Variants in TAB1 observed in about 807,000 individuals in gnomAD.
The protein encoded by TAB1 is TGF-beta-activated kinase 1 and MAP3K7-binding protein 1.
In TAB1, 30 loss-of-function variants were observed where a neutral mutation model predicts 54.5. That is an observed-to-expected ratio of 0.55 (90% CI 0.41 to 0.75). The LOEUF (loss-of-function observed/expected upper bound fraction) is 0.75. Among genes scored for constraint, TAB1 ranks in the 30% least tolerant of loss-of-function variants. The pLI is 0.00. For missense variants in TAB1, 609 were observed against 683.2 expected (o/e 0.89, Z 1.21); for synonymous variants, 289 against 286.9 (o/e 1.01, Z -0.07).
intron 8 of TAB1, among the ~76,000 whole-genome samples, chr22:39,426,103 C>T (rs1206063292): frequency 6.6e-6 from 1 of 152,188 alleles, no homozygotes; most frequent in Non-Finnish European, 1.5e-5. Flanking sequence ...TGGCAGTCCT[C>T]CCACCTCAGC....
At position 39,416,971 on chromosome 22, in the gene TAB1, G is replaced by C. The variant is rs376115631; in HGVS notation, c.411+94G>C. On this transcript the variant is annotated intron_variant, in intron 4 of 10. Coordinates refer to ENST00000216160, the MANE Select transcript of TAB1 (RefSeq NM_006116.3). ...CTACTTTCTTGACATTACTGGGCCA[G>C]AGCAACAGGCGTTAGGGAGCAGTTC... is the stretch of plus-strand genomic sequence containing the variant. 4.0e-6 allele frequency: 5 copies of C among 1,259,104 alleles called. No homozygotes were observed. In the East Asian group the frequency reaches 1.2e-4, roughly 31 times the overall value. The allele number at this position is 1,259,104 out of a possible 1,614,324, so 78.0% of individuals were successfully genotyped here. A position where few individuals can be genotyped will look rare whatever the true frequency, so the allele number is the denominator to read the frequency against.
At chr22:39,424,559 C>T (rs866045660) in intron 8 of TAB1, among the ~76,000 whole-genome samples, 10 of 151,584 alleles carry the variant, frequency 6.6e-5, no homozygotes, top group African/African-American at 2.4e-4. Flanking sequence ...ATTCTTCTGC[C>T]TCAGCCTCCT....
chr22:39,428,257 T>A, intron 10 of TAB1, 74 bp downstream of exon 10: 1 of 1,066,362 alleles, frequency 9.4e-7, no homozygotes, highest in Non-Finnish European at 1.4e-6. Context: ...AGGACAGAAA[T>A]GGCCATGGGG....
Position 39,431,847 on chromosome 22 carries a change from A to C in TAB1, c.*1625A>C. 1 of 985,492 alleles carries C rather than the reference A, an allele frequency of 1.0e-6. No individual in the cohort carries two copies. The highest frequency in any genetic ancestry group is 1.2e-6 in the Non-Finnish European group (1 of 829,944). 61.0% of individuals were successfully genotyped at this position (985,492 alleles called of 1,614,324 possible). A position where few individuals can be genotyped will look rare whatever the true frequency, so the allele number is the denominator to read the frequency against. On this transcript the variant is annotated 3_prime_UTR_variant, in exon 11 of 11. Coordinates refer to ENST00000216160, the MANE Select transcript of TAB1 (RefSeq NM_006116.3). ...GGTCACTTTTTTAATGTAGTAAAGA[A>C]GTAATAAATGGTGGCATTACACATT...
intron 6 of TAB1, 81 bp from the exon 7 acceptor site, chr22:39,419,438 C>T (rs1926976088): frequency 8.2e-7 from 1 of 1,215,000 alleles, no homozygotes; most frequent in Middle Eastern, 2.0e-4. Flanking sequence ...TGCCTTCTTC[C>T]CATGACTGTG....
chr22:39,433,444 CCCTG>C (rs1365093959), downstream of TAB1: 1 of 944,090 alleles, frequency 1.1e-6, no homozygotes, highest in African/African-American at 2.2e-5. Flanking sequence ...CAGAGCGAGA[CCCTG>C]TCTCAAGAAA....
intron 1 of TAB1, among the ~76,000 whole-genome samples, chr22:39,412,060 C>CA (rs1926630024): frequency 2.0e-5 from 3 of 151,720 alleles, no homozygotes; most frequent in South Asian, 2.1e-4. Context: ...TGTTTGGAGA[C>CA]AGAGTCTCAC....
intron 8 of TAB1, among the ~76,000 whole-genome samples, chr22:39,425,601 C>T (rs1290497380): frequency 5.3e-5 from 8 of 151,496 alleles, no homozygotes; most frequent in African/African-American, 1.9e-4. Context: ...GTCACCCAGG[C>T]TGGAGTGCAG....
chr22:39,416,752 G>A lies in TAB1; in HGVS notation c.325-39G>A, dbSNP rs777568571. ...ACATTTTGGCACCAGTGACAGTGGT[G>A]TTTTGAACCAGCCTTTGCCCTGTCC... On this transcript the variant is annotated intron_variant, in intron 3 of 10. Coordinates refer to ENST00000216160, the MANE Select transcript of TAB1 (RefSeq NM_006116.3). 4.4e-6 allele frequency: 7 copies of A among 1,600,062 alleles called. No individual in the cohort carries two copies. In the South Asian group the frequency reaches 5.5e-5, roughly 13 times the overall value.
Position 39,413,829 on chromosome 22 carries a change from G to A in TAB1, c.34-1177G>A, listed in dbSNP as rs61583895. ...CTGGGAGTGCCGTTGTGAACAAAGCGCAGTTTTCAGGTGGGAGGCCAGATT... is the reference window on the plus strand; with the variant it reads ...CTGGGAGTGCCGTTGTGAACAAAGCACAGTTTTCAGGTGGGAGGCCAGATT... On this transcript the variant is annotated intron_variant, in intron 1 of 10. Coordinates refer to ENST00000216160, the MANE Select transcript of TAB1 (RefSeq NM_006116.3). Among the ~76,000 whole-genome samples, 377 of 152,278 alleles carry A rather than the reference G, an allele frequency of 2.5e-3. 7 individuals are homozygous for A. The East Asian group carries it at 0.043, about 18-fold the overall frequency.
intron 1 of TAB1, among the ~76,000 whole-genome samples, chr22:39,402,301 C>T (rs1926181993): frequency 6.6e-6 from 1 of 152,154 alleles, no homozygotes; most frequent in Non-Finnish European, 1.5e-5. Flanking sequence ...CAGGCATGAG[C>T]CACCGCATCT....
intron 7 of TAB1, 112 bp from the exon 8 acceptor site, chr22:39,421,715 A>C: frequency 8.9e-7 from 1 of 1,121,188 alleles, no homozygotes; most frequent in Middle Eastern, 2.0e-4. Flanking sequence ...TCCTCTTGTC[A>C]GGTTGTGTGT....
chr22:39,418,284 G>A (rs538326379), intron 5 of TAB1, among the ~76,000 whole-genome samples: 20 of 152,270 alleles, frequency 1.3e-4, no homozygotes, highest in Non-Finnish European at 2.6e-4. Context: ...CCCTTCTGAT[G>A]ATGCTGCCTT....
In TAB1 at chr22:39,415,629, C is replaced by T. The variant is rs753123519; in HGVS notation, c.300C>T (p.Ala100=). 38 of 1,611,388 alleles carry T rather than the reference C, an allele frequency of 2.4e-5. No homozygotes were observed. Among genetic ancestry groups the T allele is most frequent in the East Asian group, 8.9e-5 (4 of 44,884 alleles). Residue 100 remains alanine, a synonymous_variant, in exon 3 of 11, where the codon GCC becomes GCT. Coordinates refer to ENST00000216160, the MANE Select transcript of TAB1 (RefSeq NM_006116.3). The surrounding 1 kb of genome is among the most constrained non-coding windows in gnomAD (Gnocchi z 4.9). ...AGCTGAATGCCGAGCACGCCGAGGC[C>T]GATGTGCGGCGTGTGCTGCTGCAGG... ...LGQLNAEHAE[A]DVRRVLLQAF... is the part of the protein sequence containing the mutation.
chr22:39,418,597 G>C, intron 5 of TAB1, 135 bp from the exon 6 acceptor site: 2 of 655,898 alleles, frequency 3.0e-6, no homozygotes, highest in Non-Finnish European at 5.6e-6. Context: ...GACTCACCCC[G>C]TTGGTCTGAG....
At chr22:39,414,709 G>A (rs1236266958) in intron 1 of TAB1, 5 of 341,008 alleles carry the variant, frequency 1.5e-5, no homozygotes, top group Non-Finnish European at 2.7e-5. Flanking sequence ...TGCGACATTT[G>A]TGTGTGTTTC....
At chr22:39,416,194 G>T (rs1193640888) in intron 3 of TAB1, among the ~76,000 whole-genome samples, 1 of 152,182 alleles carries the variant, frequency 6.6e-6, no homozygotes, top group Non-Finnish European at 1.5e-5. Flanking sequence ...GGAGAGGGGT[G>T]GTGCCAGCCT....
intron 8 of TAB1, among the ~76,000 whole-genome samples, chr22:39,426,062 T>C (rs1927320783): frequency 2.0e-5 from 3 of 152,054 alleles, no homozygotes; most frequent in Admixed American, 2.0e-4. Flanking sequence ...TTTCAACATG[T>C]TGGCCAAGCT....
downstream of TAB1, chr22:39,433,076 C>G (rs1259979675): frequency 2.0e-6 from 2 of 985,270 alleles, no homozygotes; most frequent in South Asian, 4.7e-5. Flanking sequence ...CCTCCCATAG[C>G]CTCCGTGGGG....
Sources: gnomAD v4.1 joint callset for allele counts (sites outside exome capture counted in the v4.1 genomes callset) on GRCh38, gnomAD v4.1.1 for gene constraint, Gnocchi (gnomAD v3.1) non-coding constraint, MANE v1.5 for transcripts, NCBI Gene and HGNC (gene_info 2026-07-23, HGNC 2026-07-21) for gene names.